Variants in RRAGD observed in about 807,000 individuals in gnomAD.
The protein encoded by RRAGD is ras-related GTP-binding protein D.
Under a neutral mutation model 35.5 loss-of-function variants are expected in RRAGD, and 12 were observed. The ratio of observed to expected loss-of-function variants is 0.34; its 90% CI spans 0.22 to 0.55. The LOEUF (loss-of-function observed/expected upper bound fraction) is 0.55. RRAGD is among the 20% of genes least tolerant of loss of function. The pLI is 0.91. For synonymous variants in RRAGD, 155 were observed against 178.9 expected (o/e 0.87, Z 1.07); for missense variants, 324 against 490.1 (o/e 0.66, Z 3.20).
intron 1 of RRAGD, among the ~76,000 whole-genome samples, chr6:89,405,374 A>G (rs9444689): frequency 0.011 from 1,678 of 149,504 alleles, 18 homozygotes; most frequent in African/African-American, 0.04. Context: ...AAAAAAAAAA[A>G]AGAGATAACA....
intron 1 of RRAGD, among the ~76,000 whole-genome samples, chr6:89,403,568 G>A (rs1371256704): frequency 1.3e-5 from 2 of 151,710 alleles, no homozygotes; most frequent in Non-Finnish European, 2.9e-5. Context: ...CTTTATCTGG[G>A]GATATATATA....
chr6:89,403,603 G>C (rs1229703043), intron 1 of RRAGD, among the ~76,000 whole-genome samples: 2 of 150,010 alleles, frequency 1.3e-5, no homozygotes, highest in Admixed American at 1.3e-4. Flanking sequence ...GATGATAATA[G>C]ACTTCCTGAT....
chr6:89,371,254 C>T (rs1768849675), intron 6 of RRAGD, among the ~76,000 whole-genome samples: 1 of 151,458 alleles, frequency 6.6e-6, no homozygotes, highest in South Asian at 2.1e-4. Context: ...TTTGGGATGT[C>T]GAGGTGGGAG....
intron 2 of RRAGD, 111 bp from the exon 3 acceptor site, chr6:89,380,478 A>G: frequency 1.2e-6 from 1 of 828,082 alleles, no homozygotes; most frequent in Non-Finnish European, 1.9e-6. Context: ...ATACGTTGCA[A>G]AGGTTCCCCT....
At chr6:89,380,082 A>G (rs1219243318) in intron 3 of RRAGD, 86 bp downstream of exon 3, 63 of 1,206,904 alleles carry the variant, frequency 5.2e-5, no homozygotes, top group Non-Finnish European at 7.1e-5. Context: ...ATTACTGCCC[A>G]TGCCAAGCCA....
rs1769682313 is a variant in RRAGD, at chr6:89,411,065, T to C, written c.148+781A>G. Among the ~76,000 whole-genome samples the C allele has an allele frequency of 1.3e-5, 2 of 152,152 alleles. No homozygotes were observed. Among genetic ancestry groups the C allele is most frequent in the African/African-American group, 4.8e-5 (2 of 41,434 alleles). ...TCAACTTCCTTACACCTTAAGAAAA[T>C]GCAGGAAGCCCCCACAAGCTGAACG... On this transcript the variant is annotated intron_variant, in intron 1 of 6. Coordinates refer to ENST00000369415, the MANE Select transcript of RRAGD (RefSeq NM_021244.5). The surrounding 1 kb of genome is among the most constrained non-coding windows in gnomAD (Gnocchi z 5.6).
Position 89,401,059 on chromosome 6 carries a change from C to T in RRAGD, c.148+10787G>A, listed in dbSNP as rs114328544. On this transcript the variant is annotated intron_variant, in intron 1 of 6. Coordinates refer to ENST00000369415, the MANE Select transcript of RRAGD (RefSeq NM_021244.5). ...ATGACAAACTGGCAATTACCATGCA[C>T]GGCCAGCTAGGTGTTCTAGGCACTG... Among the ~76,000 whole-genome samples, 141 of 152,238 alleles carry T rather than the reference C, an allele frequency of 9.3e-4. 2 individuals carry two copies. The highest frequency in any genetic ancestry group is 3.2e-3 in the African/African-American group (133 of 41,546).
intron 2 of RRAGD, among the ~76,000 whole-genome samples, chr6:89,386,810 T>C (rs1769143907): frequency 6.6e-6 from 1 of 152,146 alleles, no homozygotes; most frequent in Non-Finnish European, 1.5e-5. Context: ...TATCTCAAAT[T>C]TTACTTTTTA....
chr6:89,372,293 G>A (rs771198206), intron 6 of RRAGD, 144 bp downstream of exon 6: 4 of 914,194 alleles, frequency 4.4e-6, no homozygotes, highest in Non-Finnish European at 6.4e-6. Context: ...GCCCCGCTCT[G>A]AACTCCAAGC....
At chr6:89,402,621 G>A (rs1202979189) in intron 1 of RRAGD, among the ~76,000 whole-genome samples, 1 of 152,126 alleles carries the variant, frequency 6.6e-6, no homozygotes, top group African/African-American at 2.4e-5. Context: ...CCCTAGCTAG[G>A]CAGCTAGCCA....
intron 1 of RRAGD, among the ~76,000 whole-genome samples, chr6:89,396,939 C>G (rs1435226196): frequency 6.6e-6 from 1 of 151,654 alleles, no homozygotes; most frequent in Non-Finnish European, 1.5e-5. Flanking sequence ...TGGGGTTTCA[C>G]CATGTCGGCC....
intron 6 of RRAGD, 118 bp downstream of exon 6, chr6:89,372,319 C>T (rs1768866539): frequency 8.9e-7 from 1 of 1,123,598 alleles, no homozygotes. Context: ...GGGCCTGTGA[C>T]TGGCATCTGG....
In RRAGD at chr6:89,368,204, A is replaced by G; in HGVS notation, c.1055T>C (p.Leu352Pro). ...GAAGCAATGAAAATTATAGTCAATT[A>G]GCCCTGGAGAAGAGAACAAAAATAT... ...VREESFERKG[L>P]IDYNFHCFRK... Residue 352 changes from leucine (L) to proline (P), a missense_variant, in exon 7 of 7, where the codon CTA becomes CCA. Transcript: ENST00000369415. 5 of 1,608,798 alleles carry G rather than the reference A, an allele frequency of 3.1e-6. No homozygotes were observed. Among genetic ancestry groups the G allele is most frequent in the Non-Finnish European group, 4.2e-6 (5 of 1,178,590 alleles).
chr6:89,383,067 G>C (rs1478127905), intron 2 of RRAGD, among the ~76,000 whole-genome samples: 1 of 152,176 alleles, frequency 6.6e-6, no homozygotes, highest in Non-Finnish European at 1.5e-5. Context: ...ACCTGAGAAA[G>C]GGCACAAGGG....
At chr6:89,399,083 T>G (rs1769397412) in intron 1 of RRAGD, among the ~76,000 whole-genome samples, 1 of 152,198 alleles carries the variant, frequency 6.6e-6, no homozygotes, top group South Asian at 2.1e-4. Flanking sequence ...TCTTCCCAAT[T>G]TATACTGCTA....
intron 1 of RRAGD, among the ~76,000 whole-genome samples, chr6:89,409,317 C>T (rs1885069): frequency 2.0e-5 from 3 of 152,276 alleles, no homozygotes; most frequent in East Asian, 3.9e-4. Context: ...CCCTCAGCCT[C>T]CCACCCACCA....
At chr6:89,394,786 G>A (rs1769301843) in intron 1 of RRAGD, among the ~76,000 whole-genome samples, 1 of 152,098 alleles carries the variant, frequency 6.6e-6, no homozygotes, top group Admixed American at 6.5e-5. Context: ...AAACGGTCCA[G>A]AAGGATACAC....
At chr6:89,384,362 G>A (rs561986613) in intron 2 of RRAGD, among the ~76,000 whole-genome samples, 68 of 151,490 alleles carry the variant, frequency 4.5e-4, no homozygotes, top group Non-Finnish European at 8.4e-4. Context: ...TTCTCTTTTC[G>A]AGATAAGGTC....
In RRAGD at chr6:89,377,832, A is replaced by T. The variant is rs756214250; in HGVS notation, c.760-19T>A. Reference sequence around the variant, plus strand: ...CAGAATTCTGAAATTTAAAAAAAAAAGTTGCCTTAAAGCAACAGTCAACTT... The same window carrying T: ...CAGAATTCTGAAATTTAAAAAAAAATGTTGCCTTAAAGCAACAGTCAACTT... On this transcript the variant is annotated intron_variant, in intron 4 of 6. Coordinates refer to ENST00000369415, the MANE Select transcript of RRAGD (RefSeq NM_021244.5). 6 of 1,582,598 alleles carry T rather than the reference A, an allele frequency of 3.8e-6. No homozygotes were observed. The highest frequency in any genetic ancestry group is 5.1e-6 in the Non-Finnish European group (6 of 1,166,014).
Sources: gnomAD v4.1 joint callset for allele counts (sites outside exome capture counted in the v4.1 genomes callset) on GRCh38, gnomAD v4.1.1 for gene constraint, Gnocchi (gnomAD v3.1) non-coding constraint, MANE v1.5 for transcripts, NCBI Gene and HGNC (gene_info 2026-07-23, HGNC 2026-07-21) for gene names.